Variants in DCHS2 observed in about 807,000 individuals in gnomAD.
The protein encoded by DCHS2 is protocadherin-23.
In DCHS2, 142 loss-of-function variants were observed where a neutral mutation model predicts 182.4. The ratio of observed to expected loss-of-function variants is 0.78; its 90% CI spans 0.68 to 0.89. The LOEUF is 0.89. Among genes scored for constraint, DCHS2 ranks in the 40% least tolerant of loss-of-function variants. The probability of loss-of-function intolerance (pLI) is 0.00; values close to 1 mark genes in which losing one functional copy is unlikely to be tolerated. For missense variants in DCHS2, 4,319 were observed against 4,198.6 expected (o/e 1.03, Z -0.79); for synonymous variants, 1,740 against 1,663.3 (o/e 1.05, Z -1.12).
At chr4:154,480,187 T>C (rs962697130) in intron 1 of DCHS2, among the ~76,000 whole-genome samples, 1 of 152,178 alleles carries the variant, frequency 6.6e-6, no homozygotes, top group Non-Finnish European at 1.5e-5. Context: ...AAGATGAACA[T>C]ACAACATGAG....
chr4:154,337,425 A>G (rs1204812054), intron 3 of DCHS2, among the ~76,000 whole-genome samples: 2 of 152,182 alleles, frequency 1.3e-5, no homozygotes, highest in Non-Finnish European at 1.5e-5. Flanking sequence ...CTATTTTTAT[A>G]TTTGTGTTAG....
intron 1 of DCHS2, chr4:154,486,514 A>T (rs1419722252): frequency 7.7e-7 from 1 of 1,304,660 alleles, no homozygotes; most frequent in South Asian, 1.2e-5. Context: ...ACTTGAGCAG[A>T]TATAAGCTGT....
chr4:154,477,278 T>C (rs554904151), intron 1 of DCHS2, among the ~76,000 whole-genome samples: 45 of 152,208 alleles, frequency 3.0e-4, no homozygotes, highest in African/African-American at 1.0e-3. Context: ...GGACACTAAT[T>C]CCATCATGCA....
At position 154,429,270 on chromosome 4, in the gene DCHS2, C is replaced by T. The variant is rs1733463233; in HGVS notation, c.2053-51826G>A. Among the ~76,000 whole-genome samples, 3 of 152,132 alleles carry T rather than the reference C, an allele frequency of 2.0e-5. No homozygotes were observed. The South Asian group carries it at 6.2e-4, about 32-fold the overall frequency. ...AACACATGACAGCAAATTGGAGAGCCGAAATGACTGTTCATCATTTTTTTG... is the reference window on the plus strand; with the variant it reads ...AACACATGACAGCAAATTGGAGAGCTGAAATGACTGTTCATCATTTTTTTG... On this transcript the variant is annotated intron_variant, in intron 1 of 19. Transcript: ENST00000357232.
intron 10 of DCHS2, among the ~76,000 whole-genome samples, chr4:154,311,604 A>G (rs1163978529): frequency 1.3e-5 from 2 of 152,206 alleles, no homozygotes; most frequent in Non-Finnish European, 1.5e-5. Context: ...AAGCAAAAAT[A>G]GAATTATGCC....
At chr4:154,425,864 T>C (rs1218309604) in intron 1 of DCHS2, among the ~76,000 whole-genome samples, 4 of 152,218 alleles carry the variant, frequency 2.6e-5, no homozygotes, top group African/African-American at 7.2e-5. Context: ...AGAGCTGTTC[T>C]GGCCCTGGGC....
intron 16 of DCHS2, among the ~76,000 whole-genome samples, chr4:154,254,563 G>A (rs2404890): frequency 0.3 from 45,932 of 152,096 alleles, 7,505 homozygotes; most frequent in East Asian, 0.5. Context: ...CTGGCTGGGC[G>A]CAGTGGCTCA....
chr4:154,357,628 A>G (rs1268229659), intron 3 of DCHS2, among the ~76,000 whole-genome samples: 1 of 152,040 alleles, frequency 6.6e-6, no homozygotes, highest in Non-Finnish European at 1.5e-5. Flanking sequence ...CCCATTGTAC[A>G]CTTGCAATGT....
At chr4:154,269,834 A>G in intron 14 of DCHS2, 66 bp downstream of exon 14, 1 of 1,560,394 alleles carries the variant, frequency 6.4e-7, no homozygotes, top group Admixed American at 2.2e-5. Context: ...TCTACTTTGC[A>G]AATTTTGCAG....
intron 13 of DCHS2, among the ~76,000 whole-genome samples, chr4:154,296,834 G>A (rs959457191): frequency 6.6e-6 from 1 of 152,082 alleles, no homozygotes; most frequent in Non-Finnish European, 1.5e-5. Context: ...GCTTCCGATA[G>A]GCATCTATTT....
chr4:154,296,106 A>G (rs1734912762), intron 13 of DCHS2, among the ~76,000 whole-genome samples: 1 of 152,172 alleles, frequency 6.6e-6, no homozygotes, highest in Non-Finnish European at 1.5e-5. Context: ...AAATGCATGA[A>G]GTTGTGAATA....
chr4:154,266,247 G>A (rs1250058338), intron 14 of DCHS2, among the ~76,000 whole-genome samples: 11 of 152,152 alleles, frequency 7.2e-5, no homozygotes, highest in Admixed American at 4.6e-4. Flanking sequence ...CTGGATCAAC[G>A]AGCCACGATG....
intron 9 of DCHS2, among the ~76,000 whole-genome samples, chr4:154,319,510 A>G (rs1735975017): frequency 1.3e-5 from 2 of 152,118 alleles, no homozygotes; most frequent in South Asian, 4.2e-4. Context: ...TAAAATGGAC[A>G]AAAGACTTGA....
At chr4:154,378,195 G>A (rs951111191) in intron 1 of DCHS2, among the ~76,000 whole-genome samples, 3 of 152,052 alleles carry the variant, frequency 2.0e-5, no homozygotes, top group Admixed American at 2.0e-4. Context: ...CAGCAATCCT[G>A]TGCCTGATAG....
rs370163594 is a variant in DCHS2, at chr4:154,255,601, C to T, written c.6859G>A (p.Glu2287Lys). The T allele has an allele frequency of 4.6e-5, 74 of 1,613,912 alleles. No individual in the cohort carries two copies. Among genetic ancestry groups the T allele is most frequent in the Non-Finnish European group, 5.9e-5 (70 of 1,179,994 alleles). Residue 2287 changes from glutamate to lysine, a missense_variant, in exon 16 of 20, where the codon GAA becomes AAA. Coordinates refer to ENST00000357232, the MANE Select transcript of DCHS2 (RefSeq NM_001358235.2). ...IEYSILSGNQ[E>K]EAFQIDALSG... Reference sequence around the variant, plus strand: ...AGTGCATCAATCTGGAATGCTTCTTCTTGGTTGCCAGACAGAATAGAATAC... The same window carrying T: ...AGTGCATCAATCTGGAATGCTTCTTTTTGGTTGCCAGACAGAATAGAATAC...
In DCHS2 at chr4:154,304,818, A is replaced by G. The variant is rs777128746; in HGVS notation, c.5456T>C (p.Val1819Ala). The G allele has an allele frequency of 1.3e-4, 207 of 1,613,828 alleles. 1 individual carries two copies. The East Asian group carries it at 4.3e-3, about 33-fold the overall frequency. ...TGGTGCGTGATCGTTTTCATCTTCA[A>G]CAGTGCAGAGGATTGTTGTGGTGCT... ...LSSTTTILCTVEDENDHAPEF... is the reference protein window; with the variant it reads ...LSSTTTILCTAEDENDHAPEF... The change falls in exon 12 of 20, where the codon GTT (valine) becomes GCT (alanine). Residue 1819 changes from valine (V) to alanine (A), a missense_variant. Physicochemically the swap from Val to Ala is moderately conservative, Grantham distance 64. Transcript: ENST00000357232.
intron 14 of DCHS2, among the ~76,000 whole-genome samples, chr4:154,266,323 GT>G (rs61615288): frequency 3.1e-4 from 31 of 101,010 alleles, no homozygotes; most frequent in African/African-American, 7.5e-4. Context: ...AGTTGCAGGG[GT>G]TTTTTTTTTG....
intron 3 of DCHS2, among the ~76,000 whole-genome samples, chr4:154,340,815 C>T (rs1578985203): frequency 6.6e-6 from 1 of 152,128 alleles, no homozygotes; most frequent in South Asian, 2.1e-4. Flanking sequence ...AATCTTTACC[C>T]TTAAAGAATT....
intron 3 of DCHS2, among the ~76,000 whole-genome samples, chr4:154,363,290 T>G (rs776291959): frequency 3.9e-5 from 6 of 152,144 alleles, no homozygotes; most frequent in Non-Finnish European, 8.8e-5. Context: ...TTATTCACAA[T>G]AGCCAAGATA....
Sources: gnomAD v4.1 joint callset for allele counts (sites outside exome capture counted in the v4.1 genomes callset) on GRCh38, gnomAD v4.1.1 for gene constraint, MANE v1.5 for transcripts, NCBI Gene and HGNC (gene_info 2026-07-23, HGNC 2026-07-21) for gene names.